HERC6: variants seen among roughly 807,000 people sequenced by gnomAD.
HERC6 encodes HECT and RLD domain containing E3 ubiquitin protein ligase family member 6, also known as probable E3 ubiquitin-protein ligase HERC6.
In HERC6, 101 loss-of-function variants were observed where a neutral mutation model predicts 114.5. The observed-to-expected ratio is 0.88, with a 90% CI of 0.75 to 1.04. HERC6 has a LOEUF of 1.04. HERC6 is among the 50% of genes least tolerant of loss of function. The probability of loss-of-function intolerance (pLI) is 0.00; values close to 1 mark genes in which losing one functional copy is unlikely to be tolerated. For missense variants in HERC6, 1,133 were observed against 1,230.9 expected (o/e 0.92, Z 1.19); for synonymous variants, 408 against 436.2 (o/e 0.94, Z 0.81).
intron 11 of HERC6, among the ~76,000 whole-genome samples, chr4:88,412,750 A>G (rs546264974): frequency 5.3e-5 from 8 of 152,306 alleles, no homozygotes; most frequent in African/African-American, 1.9e-4. Flanking sequence ...AGGAATACTA[A>G]TGTGACCTGC....
At chr4:88,415,125 G>A (rs551685940) in intron 12 of HERC6, among the ~76,000 whole-genome samples, 64 of 152,246 alleles carry the variant, frequency 4.2e-4, no homozygotes, top group African/African-American at 1.4e-3. Context: ...CTTGTGTAAC[G>A]TTTGAAAGAT....
chr4:88,437,843 A>G (rs1271209103), intron 20 of HERC6, 62 bp downstream of exon 20: 2 of 1,148,206 alleles, frequency 1.7e-6, no homozygotes, highest in African/African-American at 1.5e-5. Flanking sequence ...TTGTATCACT[A>G]TTCTTTTAAA....
chr4:88,390,609 T>A, intron 3 of HERC6, 43 bp from the exon 4 acceptor site: 1 of 1,479,958 alleles, frequency 6.8e-7, no homozygotes, highest in Non-Finnish European at 9.1e-7. Context: ...GAATTTGGTA[T>A]TCTAATATGT....
intron 20 of HERC6, 145 bp downstream of exon 20, chr4:88,437,926 G>T: frequency 1.6e-6 from 1 of 623,514 alleles, no homozygotes; most frequent in Non-Finnish European, 2.8e-6. Context: ...ATCACTTGAG[G>T]TCAGGAGTTC....
In HERC6 at chr4:88,442,890, C is replaced by T. The variant is rs1456504739; in HGVS notation, c.*430C>T. On this transcript the variant is annotated 3_prime_UTR_variant, in exon 23 of 23. Coordinates refer to ENST00000264346, the MANE Select transcript of HERC6 (RefSeq NM_017912.4). ...TTGGATTGGCTGTGAGCCAATTCAC[C>T]TCAGTCTCTAATTGGCTGTGAGTCA... 5.2e-6 allele frequency: 1 copy of T among 193,282 alleles called. No homozygotes were observed. Among genetic ancestry groups the T allele is most frequent in the Non-Finnish European group, 1.1e-5 (1 of 91,978 alleles). 12.0% of individuals were successfully genotyped at this position (193,282 alleles called of 1,614,324 possible).
chr4:88,390,471 A>C (rs1204773902), intron 3 of HERC6, among the ~76,000 whole-genome samples, 181 bp from the exon 4 acceptor site: 1 of 152,242 alleles, frequency 6.6e-6, no homozygotes, highest in African/African-American at 2.4e-5. Flanking sequence ...TGATTGCGAC[A>C]ATCATTTAAC....
Position 88,428,703 on chromosome 4 carries a change from C to T in HERC6, c.2059C>T (p.Arg687Cys), listed in dbSNP as rs750258132. ...RRSRLVKDAL[R>C]QLSQAEATDF... ...AAGTCGCCTGGTTAAAGATGCTCTG[C>T]GTCAATTAAGTCAAGCTGAAGCTAC... Residue 687 changes from arginine (R) to cysteine (C), a missense_variant, in exon 16 of 23, where the codon CGT becomes TGT. This residue lies in a region of HERC6 where 388 missense variants were observed against 445.9 expected (regional missense o/e 0.87). Transcript: ENST00000264346. 7.5e-6 allele frequency: 12 copies of T among 1,593,780 alleles called. No individual in the cohort carries two copies. The highest frequency in any genetic ancestry group is 2.3e-5 in the East Asian group (1 of 44,398).
intron 11 of HERC6, among the ~76,000 whole-genome samples, chr4:88,411,428 T>C (rs1216847440): frequency 6.6e-6 from 1 of 152,204 alleles, no homozygotes; most frequent in African/African-American, 2.4e-5. Context: ...TGTGATGCTA[T>C]TTTCTGGCAT....
intron 13 of HERC6, among the ~76,000 whole-genome samples, chr4:88,422,300 T>C (rs1399381259): frequency 6.6e-6 from 1 of 152,192 alleles, no homozygotes; most frequent in African/African-American, 2.4e-5. Context: ...TTTGTTCCTA[T>C]TTATTTTTCT....
intron 12 of HERC6, among the ~76,000 whole-genome samples, chr4:88,417,199 G>A (rs1736562152): frequency 1.3e-5 from 2 of 152,036 alleles, no homozygotes; most frequent in African/African-American, 2.4e-5. Context: ...TTCAAATCCT[G>A]AATTTGAGCT....
intron 20 of HERC6, among the ~76,000 whole-genome samples, chr4:88,439,528 T>C (rs1739117422): frequency 6.6e-6 from 1 of 152,092 alleles, no homozygotes; most frequent in Non-Finnish European, 1.5e-5. Flanking sequence ...TGGGAAGGCC[T>C]GTTGATCCCT....
chr4:88,402,748 T>G (rs77975198), intron 8 of HERC6, among the ~76,000 whole-genome samples: 1,556 of 152,236 alleles, frequency 0.01, 23 homozygotes, highest in African/African-American at 0.035. Flanking sequence ...GCAGATGACA[T>G]AGTCTCATGC....
chr4:88,390,755 G>T lies in HERC6; in HGVS notation c.540G>T (p.Gly180=). The T allele has an allele frequency of 6.2e-7, 1 of 1,614,164 alleles. No individual in the cohort carries two copies. Among genetic ancestry groups the T allele is most frequent in the Non-Finnish European group, 8.5e-7 (1 of 1,180,034 alleles). ...CGCAGAGGGTGAGGTCCCTGGAGGG[G>T]ATCCCACTGGCTCAGGTGGCTGCCG... ...ASPQRVRSLE[G]IPLAQVAAGG... Residue 180 remains glycine, a synonymous_variant, in exon 4 of 23, where the codon GGG becomes GGT. Transcript: ENST00000264346.
At chr4:88,393,952 C>G (rs893134340) in intron 5 of HERC6, among the ~76,000 whole-genome samples, 6 of 152,046 alleles carry the variant, frequency 3.9e-5, no homozygotes, top group Non-Finnish European at 7.4e-5. Context: ...TATCAAAGGC[C>G]CCATCTCCTA....
chr4:88,439,571 A>G (rs1739120654), intron 20 of HERC6, among the ~76,000 whole-genome samples: 3 of 152,186 alleles, frequency 2.0e-5, no homozygotes, highest in Non-Finnish European at 2.9e-5. Context: ...CCCAAGGGCA[A>G]TGGGAAGCCT....
rs533396504 is a variant in HERC6, at chr4:88,406,961, G to T, written c.1274+1348G>T. Among the ~76,000 whole-genome samples the T allele has an allele frequency of 1.1e-3, 167 of 152,218 alleles. 2 individuals carry two copies. In the Middle Eastern group the frequency reaches 0.014, roughly 12 times the overall value. ...TTTGGTAGAGATGGGGTTTCACCAT[G>T]TTGACCAGGCTGGTCTCAAACTCCT... On this transcript the variant is annotated intron_variant, in intron 10 of 22. Coordinates refer to ENST00000264346, the MANE Select transcript of HERC6 (RefSeq NM_017912.4).
chr4:88,382,917 A>G (rs1734391015), intron 1 of HERC6, among the ~76,000 whole-genome samples: 1 of 152,170 alleles, frequency 6.6e-6, no homozygotes, highest in Non-Finnish European at 1.5e-5. Flanking sequence ...GGCTATGATC[A>G]ATCACTCTGA....
At chr4:88,381,052 G>C (rs1346852541) in intron 1 of HERC6, among the ~76,000 whole-genome samples, 1 of 152,018 alleles carries the variant, frequency 6.6e-6, no homozygotes, top group Non-Finnish European at 1.5e-5. Context: ...AACTCTGAGA[G>C]TACCATAATT....
intron 12 of HERC6, among the ~76,000 whole-genome samples, chr4:88,415,363 G>T (rs1736383746): frequency 6.6e-6 from 1 of 152,122 alleles, no homozygotes; most frequent in South Asian, 2.1e-4. Context: ...AAACATTCCA[G>T]AAAGCAAAAT....
Sources: allele counts gnomAD v4.1 joint callset (sites outside exome capture counted in the v4.1 genomes callset), GRCh38; gene constraint gnomAD v4.1.1; regional missense constraint gnomAD v4.1.1; transcripts MANE v1.5; gene names NCBI Gene and HGNC (gene_info 2026-07-23, HGNC 2026-07-21).